CD48: variants seen among roughly 807,000 people sequenced by gnomAD.
CD48 encodes the protein CD48 antigen.
Under a neutral mutation model 22.0 loss-of-function variants are expected in CD48, and 20 were observed. The ratio of observed to expected loss-of-function variants is 0.91; its 90% confidence interval spans 0.64 to 1.32. The LOEUF is 1.32. Among genes scored for constraint, CD48 ranks in the 40% most tolerant of loss-of-function variants. The pLI is 0.00. For missense variants in CD48, 307 were observed against 286.5 expected (o/e 1.07, Z -0.52); for synonymous variants, 110 against 110.1 (o/e 1.00, Z 0.01).
intron 1 of CD48, among the ~76,000 whole-genome samples, chr1:160,708,444 T>C (rs181320165): frequency 7.9e-5 from 12 of 152,226 alleles, no homozygotes; most frequent in African/African-American, 1.2e-4. Context: ...ATGCAGTAAA[T>C]AGAGCAGTTA....
At chr1:160,702,971 G>C (rs956062869) in intron 1 of CD48, among the ~76,000 whole-genome samples, 25 of 152,140 alleles carry the variant, frequency 1.6e-4, no homozygotes, top group African/African-American at 5.8e-4. Context: ...ATAATTCAGA[G>C]TGACTTTGTT....
chr1:160,702,012 A>AC (rs1662645669), intron 1 of CD48, among the ~76,000 whole-genome samples: 1 of 152,154 alleles, frequency 6.6e-6, no homozygotes, highest in Non-Finnish European at 1.5e-5. Flanking sequence ...TTTGTTTAAA[A>AC]TGATATTAGG....
chr1:160,684,664 T>C lies in CD48; in HGVS notation c.385+223A>G, dbSNP rs886574466. ...CCTTCTCTTCAAAGCTTAGACTCAC[T>C]AACTTCAGAAGAGGTGTTAAATGTC... is the stretch of plus-strand genomic sequence containing the variant. On this transcript the variant is annotated intron_variant, in intron 2 of 3. Transcript: ENST00000368046. 2.9e-6 allele frequency: 4 copies of C among 1,383,722 alleles called. No individual in the cohort carries two copies. The Admixed American group carries it at 8.4e-5, about 29-fold the overall frequency. The allele number at this position is 1,383,722 out of a possible 1,614,324, so 85.7% of individuals were successfully genotyped here.
chr1:160,688,908 A>T (rs1662091599), intron 1 of CD48, among the ~76,000 whole-genome samples: 1 of 152,180 alleles, frequency 6.6e-6, no homozygotes, highest in Non-Finnish European at 1.5e-5. Context: ...TTTGGTGCCC[A>T]GTCTATTACT....
In CD48 at chr1:160,681,251, A is replaced by G. The variant is rs1661791506; in HGVS notation, c.603T>C (p.Ser201=). ...SRCYTCQVSN[S]VSSKNGTVCL... ...AGACCGTGCCATTCTTGCTGCTCAC[A>G]GAATTGCTGACTTGGCAAGTATAAC... is the stretch of plus-strand genomic sequence containing the variant. Residue 201 remains serine, a synonymous_variant, in exon 3 of 4, where the codon TCT becomes TCC. Coordinates refer to ENST00000368046, the MANE Select transcript of CD48 (RefSeq NM_001778.4). The G allele has an allele frequency of 1.2e-6, 2 of 1,614,098 alleles. No individual in the cohort carries two copies. Among genetic ancestry groups the G allele is most frequent in the African/African-American group, 1.3e-5 (1 of 74,926 alleles).
In CD48 at chr1:160,679,093, C is replaced by A. The variant is rs1484376049; in HGVS notation, c.691G>T (p.Val231Leu). Residue 231 changes from valine (V) to leucine (L), a missense_variant, in exon 4 of 4, where the codon GTG (valine) becomes TTG (leucine). Physicochemically the swap from Val to Leu is conservative, Grantham distance 32. Coordinates refer to ENST00000368046, the MANE Select transcript of CD48 (RefSeq NM_001778.4). ...FGVEWIASWL[V>L]VTVPTILGLL... ...CCAAGAATGGTGGGCACCGTGACCA[C>A]TAGCCAACTTGCAATCCATTCTACT... 4 of 1,614,192 alleles carry A rather than the reference C, an allele frequency of 2.5e-6. No individual in the cohort carries two copies. The African/African-American group carries it at 4.0e-5, about 16-fold the overall frequency.
intron 1 of CD48, among the ~76,000 whole-genome samples, chr1:160,697,609 G>T (rs1662478512): frequency 1.3e-5 from 2 of 149,756 alleles, no homozygotes; most frequent in South Asian, 4.3e-4. Context: ...TCAGGCCACG[G>T]GTAAATTATT....
At chr1:160,703,324 A>G (rs1662690664) in intron 1 of CD48, among the ~76,000 whole-genome samples, 1 of 152,182 alleles carries the variant, frequency 6.6e-6, no homozygotes, top group African/African-American at 2.4e-5. Flanking sequence ...ACATAAGGAG[A>G]AGTAGGACCA....
intron 1 of CD48, among the ~76,000 whole-genome samples, chr1:160,686,960 C>T (rs1378100975): frequency 6.6e-6 from 1 of 152,102 alleles, no homozygotes; most frequent in Non-Finnish European, 1.5e-5. Flanking sequence ...ACCAGTCTGA[C>T]CAAAATTTAT....
intron 1 of CD48, among the ~76,000 whole-genome samples, chr1:160,700,490 C>T (rs1156393749): frequency 6.6e-6 from 1 of 152,110 alleles, no homozygotes; most frequent in African/African-American, 2.4e-5. Flanking sequence ...CATCACTCCA[C>T]TAAATCATTA....
intron 2 of CD48, 150 bp downstream of exon 2, chr1:160,684,737 T>G (rs1266853696): frequency 1.9e-6 from 3 of 1,586,410 alleles, no homozygotes; most frequent in African/African-American, 2.7e-5. Context: ...CACTCCCAAA[T>G]AGAATTGGAT....
intron 1 of CD48, among the ~76,000 whole-genome samples, chr1:160,707,561 T>C (rs982210059): frequency 4.6e-5 from 7 of 152,040 alleles, no homozygotes; most frequent in African/African-American, 1.7e-4. Flanking sequence ...AGTTTGAAGA[T>C]AGTGGGCAGG....
At chr1:160,689,609 T>C (rs901472258) in intron 1 of CD48, among the ~76,000 whole-genome samples, 3 of 152,198 alleles carry the variant, frequency 2.0e-5, no homozygotes, top group Non-Finnish European at 4.4e-5. Flanking sequence ...ATTAGTTAGA[T>C]GGGTCTCCAC....
intron 1 of CD48, among the ~76,000 whole-genome samples, chr1:160,707,680 A>T (rs1662832577): frequency 6.6e-6 from 1 of 152,132 alleles, no homozygotes; most frequent in Admixed American, 6.5e-5. Flanking sequence ...GGCCTTGAGG[A>T]TAGGGTGAAA....
At chr1:160,681,101 C>T (rs771255456) in intron 3 of CD48, 101 bp downstream of exon 3, 124 of 1,586,394 alleles carry the variant, frequency 7.8e-5, no homozygotes, top group Non-Finnish European at 1.0e-4. Flanking sequence ...GGATTCACCA[C>T]CACACTGTGC....
At chr1:160,681,081 G>A in intron 3 of CD48, 121 bp downstream of exon 3, 1 of 1,550,008 alleles carries the variant, frequency 6.5e-7, no homozygotes. Context: ...AGCTCTCCCA[G>A]ACACCTTAGG....
intron 2 of CD48, 160 bp downstream of exon 2, chr1:160,684,727 C>T (rs780568468): frequency 1.3e-6 from 2 of 1,569,162 alleles, no homozygotes; most frequent in South Asian, 2.3e-5. Context: ...GACCTAGGCT[C>T]ACTCCCAAAT....
At chr1:160,701,176 A>C (rs1317874493) in intron 1 of CD48, among the ~76,000 whole-genome samples, 1 of 9,572 alleles carries the variant, frequency 1.0e-4, no homozygotes, top group Non-Finnish European at 3.2e-4. Context: ...AAAGCAATAT[A>C]AAAAAAAATC....
intron 1 of CD48, among the ~76,000 whole-genome samples, chr1:160,693,007 A>G (rs1212892461): frequency 1.3e-5 from 2 of 152,266 alleles, no homozygotes; most frequent in Non-Finnish European, 2.9e-5. Flanking sequence ...TTGATGGGGC[A>G]CAAGAACAGG....
Sources: allele counts gnomAD v4.1 joint callset (sites outside exome capture counted in the v4.1 genomes callset), GRCh38; gene constraint gnomAD v4.1.1; transcripts MANE v1.5; gene names NCBI Gene and HGNC (gene_info 2026-07-23, HGNC 2026-07-21).